FHL2: variants seen among roughly 807,000 people sequenced by gnomAD.
The protein encoded by FHL2 is four and a half LIM domains protein 2.
Under a neutral mutation model 32.7 loss-of-function variants are expected in FHL2, and 20 were observed. The ratio of observed to expected loss-of-function variants is 0.61; its 90% CI spans 0.43 to 0.89. FHL2 has a LOEUF of 0.89. Among genes scored for constraint, FHL2 ranks in the 40% least tolerant of loss-of-function variants. FHL2 has a pLI of 0.00. For synonymous variants in FHL2, 123 were observed against 128.1 expected, an observed-to-expected ratio of 0.96 and a Z score of 0.27; for missense variants, 311 against 358.6, an observed-to-expected ratio of 0.87 and a Z score of 1.07.
intron 1 of FHL2, among the ~76,000 whole-genome samples, chr2:105,412,530 T>G (rs2104657425): frequency 6.6e-6 from 1 of 152,294 alleles, no homozygotes; most frequent in South Asian, 2.1e-4. Flanking sequence ...GAGCTGATGG[T>G]ATGAACATAG....
chr2:105,373,505 G>T, intron 4 of FHL2, 54 bp downstream of exon 4: 2 of 1,598,536 alleles, frequency 1.3e-6, no homozygotes, highest in Non-Finnish European at 1.7e-6. Flanking sequence ...AGAGGAACGT[G>T]CACAAGGCTT....
At chr2:105,427,272 G>A (rs2104677431) in intron 1 of FHL2, among the ~76,000 whole-genome samples, 1 of 152,260 alleles carries the variant, frequency 6.6e-6, no homozygotes, top group Middle Eastern at 3.4e-3. Flanking sequence ...TATGTGAAAA[G>A]CATTCTATTC....
chr2:105,434,781 A>G (rs11676660), intron 1 of FHL2, among the ~76,000 whole-genome samples: 62,026 of 151,702 alleles, frequency 0.41, 14,117 homozygotes, highest in Non-Finnish European at 0.52. Context: ...ATAAATTTCA[A>G]CTTTTTTTTT....
At chr2:105,397,020 T>G (rs577682244) in intron 1 of FHL2, 27,069 of 218,778 alleles carry the variant, frequency 0.12, 2,676 homozygotes, top group South Asian at 0.2. Flanking sequence ...GTTTTTTTTT[T>G]TTTTTTTTTT....
In FHL2 at chr2:105,386,455, A is replaced by C. The variant is rs755805016; in HGVS notation, c.62T>G (p.Leu21Arg). 3 of 1,614,140 alleles carry C rather than the reference A, an allele frequency of 1.9e-6. No homozygotes were observed. Among genetic ancestry groups the C allele is most frequent in the East Asian group, 4.5e-5 (2 of 44,898 alleles). The change falls in exon 3 of 7, where the codon CTG (leucine) becomes CGG (arginine). Residue 21 changes from leucine to arginine, a missense_variant. Coordinates refer to ENST00000530340, the MANE Select transcript of FHL2 (RefSeq NM_001318895.3). Reference protein sequence around the residue: ...NESLFGKKYILREESPYCVVC... With the variant: ...NESLFGKKYIRREESPYCVVC... ...CACGCAGTAGGGGCTCTCCTCCCGC[A>C]GGATGTACTTCTTGCCAAAGAGAGA...
At chr2:105,422,190 T>C (rs1296673899) in intron 1 of FHL2, among the ~76,000 whole-genome samples, 1 of 152,222 alleles carries the variant, frequency 6.6e-6, no homozygotes, top group Non-Finnish European at 1.5e-5. Flanking sequence ...ATGTGTTGGT[T>C]TGCTTATGTT....
intron 4 of FHL2, among the ~76,000 whole-genome samples, chr2:105,373,052 G>A (rs899925774): frequency 2.6e-5 from 4 of 152,148 alleles, no homozygotes; most frequent in African/African-American, 4.8e-5. Flanking sequence ...GCCCAGTTGC[G>A]GCTGTGCCCT....
At chr2:105,427,833 C>T (rs1334997678) in intron 1 of FHL2, among the ~76,000 whole-genome samples, 1 of 152,100 alleles carries the variant, frequency 6.6e-6, no homozygotes, top group East Asian at 1.9e-4. Flanking sequence ...GCCCCGAGAA[C>T]CAGCAGTTAC....
intron 3 of FHL2, among the ~76,000 whole-genome samples, chr2:105,380,836 T>G (rs114053011): frequency 1.3e-5 from 2 of 152,200 alleles, no homozygotes; most frequent in African/African-American, 4.8e-5. Context: ...AGGCTAATCT[T>G]GTGCTCACAG....
chr2:105,420,411 C>G (rs1263438959), intron 1 of FHL2, among the ~76,000 whole-genome samples: 1 of 152,174 alleles, frequency 6.6e-6, no homozygotes, highest in Non-Finnish European at 1.5e-5. Context: ...CTAATGACCT[C>G]CTCTTAACTA....
chr2:105,429,004 T>A (rs1297386453), intron 1 of FHL2, among the ~76,000 whole-genome samples: 1 of 152,176 alleles, frequency 6.6e-6, no homozygotes, highest in African/African-American at 2.4e-5. Context: ...CTTACCTTCA[T>A]AAGATAAAAC....
intron 1 of FHL2, among the ~76,000 whole-genome samples, chr2:105,398,186 T>C (rs368854333): frequency 9.6e-4 from 146 of 152,334 alleles, no homozygotes; most frequent in African/African-American, 3.3e-3. Flanking sequence ...ACTGAGGATA[T>C]GAAAATAAAT....
At chr2:105,373,040 T>A (rs1347437925) in intron 4 of FHL2, among the ~76,000 whole-genome samples, 1 of 152,220 alleles carries the variant, frequency 6.6e-6, no homozygotes, top group Non-Finnish European at 1.5e-5. Flanking sequence ...CCTCGGCACC[T>A]GGCCCAGTTG....
chr2:105,432,885 A>G (rs116783246), intron 1 of FHL2, among the ~76,000 whole-genome samples: 288 of 152,330 alleles, frequency 1.9e-3, no homozygotes, highest in Non-Finnish European at 3.0e-3. Flanking sequence ...TGAATATGAA[A>G]CCTGGTTCCC....
rs149266944 is a variant in FHL2 at position 105,367,459 on chromosome 2, C to T, written c.501+111G>A. 2.6e-4 allele frequency: 291 copies of T among 1,126,138 alleles called. No individual in the cohort carries two copies. In the East Asian group the frequency reaches 6.9e-3, roughly 27 times the overall value. 69.8% of individuals were successfully genotyped at this position (1,126,138 alleles called of 1,614,324 possible). On this transcript the variant is annotated intron_variant, in intron 5 of 6. Transcript: ENST00000530340. ...TAAGGCAGGACAGGCACAGCTCCCA[C>T]GCCACTTAAGTATCACAGGTATCCT...
chr2:105,400,010 G>T (rs1388813741), upstream of FHL2, among the ~76,000 whole-genome samples: 1 of 152,162 alleles, frequency 6.6e-6, no homozygotes, highest in East Asian at 1.9e-4. Context: ...CTCTCCGTCT[G>T]GTAGGCCTCA....
At chr2:105,383,458 G>C (rs1682047986) in intron 3 of FHL2, among the ~76,000 whole-genome samples, 1 of 152,172 alleles carries the variant, frequency 6.6e-6, no homozygotes, top group Non-Finnish European at 1.5e-5. Context: ...ACAATTCAGT[G>C]GCTACATAGA....
intron 1 of FHL2, among the ~76,000 whole-genome samples, chr2:105,411,568 T>C (rs34838972): frequency 0.029 from 4,081 of 140,820 alleles, 120 homozygotes; most frequent in East Asian, 0.081. Flanking sequence ...TTTTTTTGAC[T>C]TTAAAAGTTC....
intron 1 of FHL2, among the ~76,000 whole-genome samples, chr2:105,431,942 T>C (rs933905786): frequency 3.3e-5 from 5 of 152,204 alleles, no homozygotes; most frequent in Non-Finnish European, 5.9e-5. Flanking sequence ...GAGTGGAGGA[T>C]GTGCTGCTGC....
Sources: gnomAD v4.1 joint callset for allele counts (sites outside exome capture counted in the v4.1 genomes callset) on GRCh38, gnomAD v4.1.1 for gene constraint, MANE v1.5 for transcripts, NCBI Gene and HGNC (gene_info 2026-07-23, HGNC 2026-07-21) for gene names.